SLC35E4: variants seen among roughly 807,000 people sequenced by gnomAD.
The protein encoded by SLC35E4 is solute carrier family 35, member E4.
A neutral mutation model predicts 19.3 loss-of-function variants in SLC35E4; 15 were observed. The ratio of observed to expected loss-of-function variants is 0.78; its 90% CI spans 0.52 to 1.20. SLC35E4 has a LOEUF of 1.20. Ranked by LOEUF, SLC35E4 falls within the 50% of genes most tolerant of loss-of-function variation. The probability of loss-of-function intolerance (pLI) is 0.00; values close to 1 mark genes in which losing one functional copy is unlikely to be tolerated. For synonymous variants in SLC35E4, 219 were observed against 219.9 expected, an observed-to-expected ratio of 1.00 and a Z score of 0.04; for missense variants, 406 against 472.3, an observed-to-expected ratio of 0.86 and a Z score of 1.30.
downstream of SLC35E4, among the ~76,000 whole-genome samples, chr22:30,664,380 C>T (rs75949578): frequency 4.0e-3 from 606 of 152,324 alleles, 4 homozygotes; most frequent in African/African-American, 0.014. Context: ...TGAGGCCTCC[C>T]TTGAGGGGTC....
At chr22:30,643,806 G>A (rs1227452042) in intron 1 of SLC35E4, among the ~76,000 whole-genome samples, 1 of 152,222 alleles carries the variant, frequency 6.6e-6, no homozygotes, top group Admixed American at 6.5e-5. Flanking sequence ...AGGGTCAGCT[G>A]TTGTCTGCAT....
At chr22:30,641,242 C>A (rs892726605) in intron 1 of SLC35E4, among the ~76,000 whole-genome samples, 6 of 152,222 alleles carry the variant, frequency 3.9e-5, no homozygotes, top group African/African-American at 2.4e-5. Context: ...GCCGGCCAGG[C>A]CTCAGGCACT....
At chr22:30,656,565 G>C (rs2088341224) in intron 2 of SLC35E4, among the ~76,000 whole-genome samples, 1 of 152,194 alleles carries the variant, frequency 6.6e-6, no homozygotes, top group African/African-American at 2.4e-5. Flanking sequence ...TAGAATCCCT[G>C]TTCTAAGCCA....
At chr22:30,638,501 CAAAAAAAAAA>C (rs33962458) in intron 1 of SLC35E4, among the ~76,000 whole-genome samples, 1 of 64,130 alleles carries the variant, frequency 1.6e-5, no homozygotes, top group African/African-American at 6.2e-5. Flanking sequence ...GACTCCATCT[CAAAAAAAAAA>C]AAAAAAAAAA....
chr22:30,636,437 C>A lies in SLC35E4; in HGVS notation c.-14C>A. 1 of 1,471,964 alleles carries A rather than the reference C, an allele frequency of 6.8e-7. No homozygotes were observed. The highest frequency in any genetic ancestry group is 9.0e-7 in the Non-Finnish European group (1 of 1,105,700). 91.2% of individuals were successfully genotyped at this position (1,471,964 alleles called of 1,614,324 possible). On this transcript the variant is annotated 5_prime_UTR_variant, in exon 1 of 2. Transcript: ENST00000343605. ...CTGGGGAGCCCGCCTCCTGCCCTAG[C>A]CTCACTGGTGCGGATGTGCCGCTGC...
downstream of SLC35E4, chr22:30,664,010 G>T: frequency 6.2e-7 from 1 of 1,609,106 alleles, no homozygotes; most frequent in South Asian, 1.1e-5. Context: ...TCATCAAGGC[G>T]GTGGGTCAGT....
intron 2 of SLC35E4, among the ~76,000 whole-genome samples, chr22:30,654,992 G>C (rs1396866967): frequency 6.6e-6 from 1 of 152,150 alleles, no homozygotes; most frequent in Non-Finnish European, 1.5e-5. Context: ...AGAATAGAAA[G>C]AACCAAGACG....
downstream of SLC35E4, among the ~76,000 whole-genome samples, chr22:30,648,124 A>G (rs940018735): frequency 2.0e-5 from 3 of 151,888 alleles, no homozygotes; most frequent in Admixed American, 6.6e-5. Context: ...CATCTTACAC[A>G]CAGACCCCTT....
chr22:30,664,007 G>C (rs760706123), downstream of SLC35E4: 60 of 1,610,086 alleles, frequency 3.7e-5, no homozygotes, highest in Non-Finnish European at 5.0e-5. Context: ...CTGTCATCAA[G>C]GCGGTGGGTC....
At chr22:30,639,756 G>T (rs902542488) in intron 1 of SLC35E4, among the ~76,000 whole-genome samples, 9 of 152,198 alleles carry the variant, frequency 5.9e-5, no homozygotes, top group Admixed American at 2.0e-4. Flanking sequence ...TATCTCTCTT[G>T]TTCCCTGAAC....
downstream of SLC35E4, chr22:30,664,137 G>A: frequency 1.3e-6 from 1 of 778,702 alleles, no homozygotes; most frequent in African/African-American, 1.7e-5. Context: ...AATTCCAGGG[G>A]ATCCCTGGGA....
intron 1 of SLC35E4, among the ~76,000 whole-genome samples, chr22:30,641,420 A>G (rs1251547050): frequency 2.6e-5 from 4 of 152,198 alleles, no homozygotes; most frequent in Non-Finnish European, 1.5e-5. Context: ...AATGCCATGT[A>G]TGATCACCAC....
At chr22:30,656,279 T>C (rs2088336923) in intron 2 of SLC35E4, among the ~76,000 whole-genome samples, 1 of 152,078 alleles carries the variant, frequency 6.6e-6, no homozygotes, top group Non-Finnish European at 1.5e-5. Flanking sequence ...ACTTGGACTC[T>C]AAGGGCATTT....
chr22:30,663,896 G>A (rs2088562383), downstream of SLC35E4: 2 of 1,614,232 alleles, frequency 1.2e-6, no homozygotes, highest in Non-Finnish European at 1.7e-6. Flanking sequence ...TGAGCTTGTT[G>A]TTGGCGGCCA....
downstream of SLC35E4, among the ~76,000 whole-genome samples, chr22:30,651,427 ATTTTTTTTTTTTT>A (rs1160256288): frequency 5.0e-3 from 111 of 22,092 alleles, no homozygotes; most frequent in South Asian, 0.02. Context: ...ATATATATAT[ATTTTTTTTTTTTT>A]TTTTTTTTTT....
downstream of SLC35E4, chr22:30,663,878 A>G (rs184028120): frequency 1.9e-6 from 3 of 1,614,182 alleles, no homozygotes; most frequent in East Asian, 4.5e-5. Flanking sequence ...TCTGGTTGCT[A>G]GACAGCATGA....
intron 2 of SLC35E4, chr22:30,653,774 G>A (rs1384706255): frequency 1.3e-5 from 2 of 152,102 alleles, no homozygotes; most frequent in Non-Finnish European, 2.9e-5. Flanking sequence ...GAGAACCCTT[G>A]TTAGGCTGGA....
At chr22:30,667,952 G>A (rs3827379), downstream of SLC35E4, 19,115 of 152,606 alleles carry the variant, frequency 0.13, 1,614 homozygotes, top group Middle Eastern at 0.2. Flanking sequence ...CGGGGCTCCA[G>A]GTTCCGCCCA....
chr22:30,652,547 T>C (rs2078973), downstream of SLC35E4, among the ~76,000 whole-genome samples: 77,519 of 152,154 alleles, frequency 0.51, 20,189 homozygotes, highest in East Asian at 0.8. Flanking sequence ...CAGGAATGAA[T>C]AAAGACAACT....
Sources: gnomAD v4.1 joint callset for allele counts (sites outside exome capture counted in the v4.1 genomes callset) on GRCh38, gnomAD v4.1.1 for gene constraint, MANE v1.5 for transcripts, NCBI Gene and HGNC (gene_info 2026-07-23, HGNC 2026-07-21) for gene names.